The following ZC3H12B variants were observed in gnomAD, a reference collection of about 807,000 sequenced individuals.
ZC3H12B encodes the protein probable ribonuclease ZC3H12B.
Under a neutral mutation model 43.9 loss-of-function variants are expected in ZC3H12B, and 7 were observed. That is an observed-to-expected ratio of 0.16 (90% CI 0.09 to 0.30). The LOEUF is 0.30. ZC3H12B is among the 10% of genes least tolerant of loss of function. ZC3H12B has a pLI of 1.00. For synonymous variants in ZC3H12B, 222 were observed against 241.7 expected (o/e 0.92, Z 0.76); for missense variants, 475 against 670.2 (o/e 0.71, Z 3.22).
At chrX:65,264,707 G>C in the ZC3H12B span, among the ~76,000 whole-genome samples, 1 of 111,548 alleles carries the variant, frequency 9.0e-6, no homozygotes, top group East Asian at 2.8e-4. Context: ...AGTGACACTT[G>C]CTGGAGGTCA....
the ZC3H12B span, among the ~76,000 whole-genome samples, chrX:65,174,473 C>A: frequency 8.9e-6 from 1 of 111,901 alleles, no homozygotes; most frequent in Non-Finnish European, 1.9e-5. Flanking sequence ...TGAAGCTGCG[C>A]CCACATCCAC....
chrX:65,422,680 C>T (rs2067033017), intron 3 of ZC3H12B, among the ~76,000 whole-genome samples: 2 of 110,534 alleles, frequency 1.8e-5, no homozygotes, highest in Non-Finnish European at 3.8e-5. Context: ...TGCTATCCCT[C>T]CCTTTGCCCC....
intron 2 of ZC3H12B, among the ~76,000 whole-genome samples, chrX:65,393,238 A>T (rs1289906711): frequency 9.0e-6 from 1 of 111,272 alleles, no homozygotes; most frequent in Non-Finnish European, 1.9e-5. Flanking sequence ...CCCAAGAATG[A>T]TCAATAAATA....
At chrX:65,224,726 C>T in the ZC3H12B span, among the ~76,000 whole-genome samples, 12 of 112,109 alleles carry the variant, frequency 1.1e-4, no homozygotes, top group East Asian at 5.7e-4. Flanking sequence ...GATTATATCC[C>T]GCACATGACT....
At chrX:65,167,873 A>G in the ZC3H12B span, among the ~76,000 whole-genome samples, 2 of 112,008 alleles carry the variant, frequency 1.8e-5, no homozygotes, top group Non-Finnish European at 3.8e-5. Context: ...TGTGATTTTT[A>G]CACATTAGTT....
the ZC3H12B span, among the ~76,000 whole-genome samples, chrX:65,281,400 AT>A: frequency 9.1e-6 from 1 of 110,004 alleles, no homozygotes; most frequent in African/African-American, 3.3e-5. Context: ...TGATTTTTGT[AT>A]TTTTAGACAG....
chrX:65,306,538 A>G, the ZC3H12B span, among the ~76,000 whole-genome samples: 1 of 110,533 alleles, frequency 9.0e-6, no homozygotes, highest in African/African-American at 3.3e-5. Flanking sequence ...ACGCCCAGCT[A>G]ATTTTTTGTG....
chrX:65,188,957 C>A, the ZC3H12B span, among the ~76,000 whole-genome samples: 1 of 74,529 alleles, frequency 1.3e-5, no homozygotes, highest in African/African-American at 5.0e-5. Flanking sequence ...TCCCCCCACC[C>A]CACCACAGTC....
At chrX:65,087,989 C>G in the ZC3H12B span, among the ~76,000 whole-genome samples, 2 of 111,553 alleles carry the variant, frequency 1.8e-5, no homozygotes, top group African/African-American at 3.3e-5. Flanking sequence ...ATTTAGGAAA[C>G]ACTTTTGCAC....
chrX:65,164,058 T>C, the ZC3H12B span, among the ~76,000 whole-genome samples: 1 of 111,976 alleles, frequency 8.9e-6, no homozygotes, highest in African/African-American at 3.2e-5. Flanking sequence ...ATCAATACAC[T>C]GAAAACCACA....
the ZC3H12B span, among the ~76,000 whole-genome samples, chrX:65,249,508 T>A: frequency 8.9e-6 from 1 of 112,081 alleles, no homozygotes; most frequent in Admixed American, 9.5e-5. Context: ...TCCAGTTTTG[T>A]TCTTTCTGCT....
At chrX:65,061,701 C>G in the ZC3H12B span, among the ~76,000 whole-genome samples, 1 of 112,432 alleles carries the variant, frequency 8.9e-6, no homozygotes, top group Non-Finnish European at 1.9e-5. Flanking sequence ...ATTGCTGGAT[C>G]AAGTGATATT....
the ZC3H12B span, among the ~76,000 whole-genome samples, chrX:65,196,405 CG>C: frequency 9.0e-6 from 1 of 110,880 alleles, no homozygotes; most frequent in Non-Finnish European, 1.9e-5. Context: ...TACCAAATTC[CG>C]GGGGGGATTT....
At chrX:65,245,858 G>C in the ZC3H12B span, among the ~76,000 whole-genome samples, 2 of 109,803 alleles carry the variant, frequency 1.8e-5, no homozygotes, top group Admixed American at 1.9e-4. Context: ...AATCAGGCAA[G>C]AGACATGTAT....
At chrX:65,336,248 A>C in the ZC3H12B span, among the ~76,000 whole-genome samples, 1 of 112,343 alleles carries the variant, frequency 8.9e-6, no homozygotes, top group South Asian at 3.6e-4. Flanking sequence ...AACCTGACTG[A>C]TAAGAAATTC....
the ZC3H12B span, among the ~76,000 whole-genome samples, chrX:65,301,424 A>C: frequency 8.9e-6 from 1 of 111,788 alleles, no homozygotes; most frequent in Non-Finnish European, 1.9e-5. Flanking sequence ...AAAATATGGA[A>C]CCAGCTCAAA....
At chrX:65,279,640 C>T in the ZC3H12B span, among the ~76,000 whole-genome samples, 1 of 111,565 alleles carries the variant, frequency 9.0e-6, no homozygotes, top group African/African-American at 3.3e-5. Context: ...CTAACCAATA[C>T]CATCCTGGAC....
the ZC3H12B span, among the ~76,000 whole-genome samples, chrX:65,286,947 C>T: frequency 9.0e-6 from 1 of 110,714 alleles, no homozygotes; most frequent in Non-Finnish European, 1.9e-5. Flanking sequence ...AAGACAAAAT[C>T]ATTATATAAT....
the ZC3H12B span, among the ~76,000 whole-genome samples, chrX:65,040,958 A>C: frequency 9.0e-6 from 1 of 111,153 alleles, no homozygotes; most frequent in Non-Finnish European, 1.9e-5. Flanking sequence ...CTCTATTTTC[A>C]GTAGAGACCG....
Sources: gnomAD v4.1 joint callset for allele counts (sites outside exome capture counted in the v4.1 genomes callset) on GRCh38, gnomAD v4.1.1 for gene constraint, MANE v1.5 for transcripts, NCBI Gene and HGNC (gene_info 2026-07-23, HGNC 2026-07-21) for gene names.